The following PLEKHA6 variants were observed in gnomAD, a reference collection of about 807,000 sequenced individuals.
The protein encoded by PLEKHA6 is pleckstrin homology domain-containing family A member 6.
PLEKHA6 carries 60 observed loss-of-function variants against 116.7 expected under a neutral mutation model. That is an observed-to-expected ratio of 0.51 (90% CI 0.42 to 0.64). PLEKHA6 has a LOEUF of 0.64. PLEKHA6 is among the 30% of genes least tolerant of loss of function. The pLI is 0.00. For synonymous variants in PLEKHA6, 489 were observed against 556.1 expected (o/e 0.88, Z 1.70); for missense variants, 1,338 against 1,422.7 (o/e 0.94, Z 0.96).
intron 1 of PLEKHA6, among the ~76,000 whole-genome samples, chr1:204,289,278 C>T (rs1460620340): frequency 6.6e-6 from 1 of 152,156 alleles, no homozygotes; most frequent in South Asian, 2.1e-4. Flanking sequence ...TTACCATGAT[C>T]ATAAATGGGA....
chr1:204,341,339 G>A (rs192914238), intron 1 of PLEKHA6, among the ~76,000 whole-genome samples: 3 of 152,280 alleles, frequency 2.0e-5, no homozygotes, highest in East Asian at 3.9e-4. Flanking sequence ...CAGGATCTGT[G>A]GGGGAAAGGG....
Position 204,259,986 on chromosome 1 carries a change from G to C in PLEKHA6, c.525-246C>G, listed in dbSNP as rs530450895. Among the ~76,000 whole-genome samples, 1 of 152,000 alleles carries C rather than the reference G, an allele frequency of 6.6e-6. No individual in the cohort carries two copies. The highest frequency in any genetic ancestry group is 1.5e-5 in the Non-Finnish European group (1 of 68,000). Reference sequence around the variant, plus strand: ...CTGCTGTGTTAACTCTGCCCCCCACGTCTTCTCTGCAGGTCATTCTCCACC... The same window carrying C: ...CTGCTGTGTTAACTCTGCCCCCCACCTCTTCTCTGCAGGTCATTCTCCACC... On this transcript the variant is annotated intron_variant, in intron 7 of 22. Coordinates refer to ENST00000272203, the MANE Select transcript of PLEKHA6 (RefSeq NM_014935.5). The surrounding 1 kb of genome is among the most constrained non-coding windows in gnomAD (Gnocchi z 4.6).
Position 204,259,196 on chromosome 1 carries a change from C to G in PLEKHA6, c.1007+62G>C, listed in dbSNP as rs1263782401. ...AGGGGATGCCTCGTGGGCTATGACC[C>G]CACTCGCACGCTCTAGCCATAATAC... On this transcript the variant is annotated intron_variant, in intron 8 of 22. Transcript: ENST00000272203. The surrounding 1 kb of genome is among the most constrained non-coding windows in gnomAD (Gnocchi z 4.6). The G allele has an allele frequency of 3.1e-5, 48 of 1,550,690 alleles. No homozygotes were observed. Among genetic ancestry groups the G allele is most frequent in the Non-Finnish European group, 3.9e-5 (45 of 1,146,464 alleles).
At chr1:204,269,850 T>C (rs923799585) in intron 3 of PLEKHA6, among the ~76,000 whole-genome samples, 1 of 152,198 alleles carries the variant, frequency 6.6e-6, no homozygotes, top group African/African-American at 2.4e-5. Flanking sequence ...TGTCTTCTCC[T>C]TAGCAGATGC....
chr1:204,290,928 G>T (rs532466006), intron 1 of PLEKHA6, among the ~76,000 whole-genome samples: 161 of 149,456 alleles, frequency 1.1e-3, no homozygotes, highest in African/African-American at 3.7e-3. Context: ...GGGGGAGGTT[G>T]CAGTGAGCCA....
intron 1 of PLEKHA6, chr1:204,297,895 G>A: frequency 1.0e-6 from 1 of 985,116 alleles, no homozygotes; most frequent in Non-Finnish European, 1.2e-6. Flanking sequence ...AGTGATAGAG[G>A]GAAGACGGCA....
chr1:204,351,638 T>C (rs966476512), intron 1 of PLEKHA6, among the ~76,000 whole-genome samples: 1 of 151,152 alleles, frequency 6.6e-6, no homozygotes, highest in African/African-American at 2.5e-5. Context: ...AGTTTCTCAA[T>C]TGAGCCATAC....
At position 204,259,472 on chromosome 1, in the gene PLEKHA6, G is replaced by A. The variant is rs377234378; in HGVS notation, c.793C>T (p.Gln265Ter). The change falls in exon 8 of 23, where the codon CAG (glutamine) becomes TAG (stop). Residue 265 changes from glutamine (Q) to a stop codon, truncating the protein, a stop_gained. Transcript: ENST00000272203. LOFTEE classifies it high-confidence loss of function. The surrounding 1 kb of genome is among the most constrained non-coding windows in gnomAD (Gnocchi z 4.6). ...TGCCAGCCATTGGGCTGGGCAGGCT[G>A]TTCCCCACCCCCTGGCACTCTTGGG... is the stretch of plus-strand genomic sequence containing the variant. ...EGPRVPGGGEQPAQPNGWQYH... is the reference protein window; with the variant it reads ...EGPRVPGGGE 6.2e-7 allele frequency: 1 copy of A among 1,614,200 alleles called. No individual in the cohort carries two copies. The highest frequency in any genetic ancestry group is 8.5e-7 in the Non-Finnish European group (1 of 1,180,012).
At chr1:204,346,981 A>G (rs1011134818) in intron 1 of PLEKHA6, 12 of 1,249,716 alleles carry the variant, frequency 9.6e-6, no homozygotes, top group Middle Eastern at 2.4e-4. Flanking sequence ...AATGTGCTCA[A>G]TACGCACATT....
chr1:204,236,833 A>G (rs1024803646), intron 17 of PLEKHA6, among the ~76,000 whole-genome samples: 11 of 152,292 alleles, frequency 7.2e-5, no homozygotes, highest in African/African-American at 2.6e-4. Flanking sequence ...AAAACAGAGA[A>G]TCACAGCCTC....
intron 17 of PLEKHA6, among the ~76,000 whole-genome samples, chr1:204,234,150 T>G (rs1225765398): frequency 6.6e-6 from 1 of 152,122 alleles, no homozygotes; most frequent in Admixed American, 6.6e-5. Context: ...AATTAAATGA[T>G]GGGTATCCTT....
At chr1:204,315,757 T>C (rs1017552668) in intron 1 of PLEKHA6, among the ~76,000 whole-genome samples, 6 of 151,756 alleles carry the variant, frequency 4.0e-5, no homozygotes, top group Non-Finnish European at 8.8e-5. Flanking sequence ...AACAAAACCA[T>C]CCTCCCGTGA....
Position 204,222,359 on chromosome 1 carries a change from C to T in PLEKHA6, c.*429G>A, listed in dbSNP as rs902637653. On this transcript the variant is annotated 3_prime_UTR_variant, in exon 23 of 23. Transcript: ENST00000272203. ...GGCTGGCTCCAGAGGCAGTGTCCAT[C>T]TCCTCTTCACCTCTAGTCCTCACAT... 6.5e-6 allele frequency: 1 copy of T among 152,856 alleles called. No individual in the cohort carries two copies. The highest frequency in any genetic ancestry group is 1.5e-5 in the Non-Finnish European group (1 of 68,226). 9.5% of individuals were successfully genotyped at this position (152,856 alleles called of 1,614,324 possible).
At chr1:204,239,819 T>C (rs916412389) in intron 17 of PLEKHA6, among the ~76,000 whole-genome samples, 1 of 152,110 alleles carries the variant, frequency 6.6e-6, no homozygotes, top group African/African-American at 2.4e-5. Context: ...TTTTCTCCCA[T>C]AGCCAGGATT....
intron 1 of PLEKHA6, among the ~76,000 whole-genome samples, chr1:204,352,208 T>C (rs1470340165): frequency 2.0e-5 from 3 of 151,672 alleles, no homozygotes; most frequent in African/African-American, 7.3e-5. Context: ...ACCCCATCTC[T>C]ACTAAAAATA....
At chr1:204,340,308 C>T (rs183405075) in intron 1 of PLEKHA6, among the ~76,000 whole-genome samples, 80 of 152,248 alleles carry the variant, frequency 5.3e-4, no homozygotes, top group African/African-American at 1.8e-3. Flanking sequence ...AAAAGCCACC[C>T]ATTATCCCGT....
intron 1 of PLEKHA6, chr1:204,313,806 C>G: frequency 1.8e-6 from 1 of 557,964 alleles, no homozygotes. Context: ...AATGCAGAAA[C>G]CTGTTCAAGC....
intron 11 of PLEKHA6, 79 bp downstream of exon 11, chr1:204,249,105 T>C: frequency 6.7e-7 from 1 of 1,481,530 alleles, no homozygotes; most frequent in South Asian, 1.2e-5. Context: ...CTCAGTCAGG[T>C]TGGAGACAGC....
intron 1 of PLEKHA6, among the ~76,000 whole-genome samples, chr1:204,340,948 T>A (rs1323286561): frequency 6.6e-6 from 1 of 152,200 alleles, no homozygotes; most frequent in African/African-American, 2.4e-5. Flanking sequence ...CCAGAGAAGA[T>A]GGGCAGGAGA....
Sources: gnomAD v4.1 joint callset for allele counts (sites outside exome capture counted in the v4.1 genomes callset) on GRCh38, gnomAD v4.1.1 for gene constraint, Gnocchi (gnomAD v3.1) non-coding constraint, MANE v1.5 for transcripts, NCBI Gene and HGNC (gene_info 2026-07-23, HGNC 2026-07-21) for gene names.